Variants in SCARA3 observed in about 807,000 individuals in gnomAD.
The protein encoded by SCARA3 is scavenger receptor class A member 3, also known as cellular stress response gene protein.
A neutral mutation model predicts 47.0 loss-of-function variants in SCARA3; 39 were observed. That is an observed-to-expected ratio of 0.83 (90% confidence interval 0.64 to 1.08). The LOEUF is 1.08. Among genes scored for constraint, SCARA3 ranks in the 50% least tolerant of loss-of-function variants. The probability of loss-of-function intolerance (pLI) is 0.00; values close to 1 mark genes in which losing one functional copy is unlikely to be tolerated. For missense variants in SCARA3, 724 were observed against 792.3 expected, an observed-to-expected ratio of 0.91 and a Z score of 1.04; for synonymous variants, 356 against 334.1, an observed-to-expected ratio of 1.07 and a Z score of -0.71.
chr8:27,719,966 G>C, the SCARA3 span, among the ~76,000 whole-genome samples: 1 of 152,122 alleles, frequency 6.6e-6, no homozygotes, highest in African/African-American at 2.4e-5. Flanking sequence ...AAGGAACACA[G>C]AGAAAAAGCC....
downstream of SCARA3, among the ~76,000 whole-genome samples, chr8:27,674,968 C>T (rs1419380343): frequency 6.6e-6 from 1 of 152,092 alleles, no homozygotes; most frequent in African/African-American, 2.4e-5. Context: ...ACCTCATGAT[C>T]CATCCACCTC....
intron 1 of SCARA3, among the ~76,000 whole-genome samples, chr8:27,635,619 G>C (rs1042159541): frequency 1.8e-5 from 1 of 56,754 alleles, no homozygotes; most frequent in Admixed American, 3.3e-4. Flanking sequence ...CACCATGCAT[G>C]GATTTTTTTT....
chr8:27,719,074 C>T, the SCARA3 span, among the ~76,000 whole-genome samples: 2 of 152,096 alleles, frequency 1.3e-5, no homozygotes, highest in African/African-American at 4.8e-5. Flanking sequence ...ACTTTAAGAA[C>T]GTGGAGGTTT....
downstream of SCARA3, chr8:27,679,756 A>G (rs1177920152): frequency 6.6e-6 from 1 of 152,222 alleles, no homozygotes; most frequent in Non-Finnish European, 1.5e-5. Context: ...AAAGACTTAA[A>G]TTACACAGAC....
chr8:27,668,499 C>CACTGCAG (rs1418810738), intron 5 of SCARA3, among the ~76,000 whole-genome samples: 1 of 145,348 alleles, frequency 6.9e-6, no homozygotes, highest in African/African-American at 2.5e-5. Flanking sequence ...GAGATTGCGC[C>CACTGCAG]ACTGCAGTCC....
At chr8:27,699,794 GAAAAA>G in the SCARA3 span, among the ~76,000 whole-genome samples, 5 of 150,388 alleles carry the variant, frequency 3.3e-5, no homozygotes, top group Admixed American at 2.0e-4. Flanking sequence ...ATTTCAGAAA[GAAAAA>G]AAAAGACTTA....
At chr8:27,699,200 C>T in the SCARA3 span, among the ~76,000 whole-genome samples, 3 of 151,210 alleles carry the variant, frequency 2.0e-5, no homozygotes, top group Non-Finnish European at 4.4e-5. Flanking sequence ...GCCGAGATTG[C>T]GCCACTGCAC....
chr8:27,720,742 G>A, the SCARA3 span, among the ~76,000 whole-genome samples: 103,910 of 150,410 alleles, frequency 0.69, 37,406 homozygotes, highest in East Asian at 0.88. Flanking sequence ...TTATCCACTC[G>A]TCCATCCATT....
chr8:27,719,075 G>C, the SCARA3 span, among the ~76,000 whole-genome samples: 1 of 152,154 alleles, frequency 6.6e-6, no homozygotes, highest in African/African-American at 2.4e-5. Context: ...CTTTAAGAAC[G>C]TGGAGGTTTT....
intron 1 of SCARA3, among the ~76,000 whole-genome samples, chr8:27,636,132 C>G (rs1216506565): frequency 6.6e-6 from 1 of 152,260 alleles, no homozygotes; most frequent in Non-Finnish European, 1.5e-5. Flanking sequence ...CAGCTGAACC[C>G]TCTGCAGTCA....
chr8:27,659,167 C>G lies in SCARA3; in HGVS notation c.997C>G (p.His333Asp). The change falls in exon 5 of 6, where the codon CAC (histidine) becomes GAC (aspartate). Residue 333 changes from histidine to aspartate, a missense_variant. By Grantham distance (81) the His-to-Asp change is moderately conservative. Coordinates refer to ENST00000301904, the MANE Select transcript of SCARA3 (RefSeq NM_016240.3). ...CATGCATGATCTTCAGTACCATACCCACTACGCCCAGAACCGCACTGTGGA... is the reference window on the plus strand; with the variant it reads ...CATGCATGATCTTCAGTACCATACCGACTACGCCCAGAACCGCACTGTGGA... ...ENMHDLQYHT[H>D]YAQNRTVERF... The G allele has an allele frequency of 6.2e-7, 1 of 1,614,156 alleles. No individual in the cohort carries two copies. Among genetic ancestry groups the G allele is most frequent in the Non-Finnish European group, 8.5e-7 (1 of 1,180,020 alleles).
chr8:27,647,762 C>T (rs779956), intron 1 of SCARA3, among the ~76,000 whole-genome samples: 27,952 of 152,058 alleles, frequency 0.18, 3,139 homozygotes, highest in Middle Eastern at 0.33. Flanking sequence ...TTAAGCCATG[C>T]GTGAAGGCCG....
At chr8:27,697,961 TAC>T in the SCARA3 span, among the ~76,000 whole-genome samples, 1 of 152,222 alleles carries the variant, frequency 6.6e-6, no homozygotes, top group Non-Finnish European at 1.5e-5. Flanking sequence ...AACAGACTAA[TAC>T]ACTTTCAATC....
chr8:27,675,485 G>C (rs571708852), downstream of SCARA3, among the ~76,000 whole-genome samples: 2 of 152,292 alleles, frequency 1.3e-5, no homozygotes, highest in South Asian at 4.1e-4. Flanking sequence ...ACACTTCCAA[G>C]TGCAAGACTC....
Position 27,671,855 on chromosome 8 carries a change from G to A in SCARA3, c.*504G>A. ...CACAGATTTTTCTGCTGGCCAGGTG[G>A]GCCAACTGGGTTTCCCTGGCTGGGC... is the stretch of plus-strand genomic sequence containing the variant. On this transcript the variant is annotated 3_prime_UTR_variant, in exon 6 of 6. Transcript: ENST00000301904. The A allele has an allele frequency of 3.0e-6, 3 of 985,530 alleles. No homozygotes were observed. Among genetic ancestry groups the A allele is most frequent in the Non-Finnish European group, 3.6e-6 (3 of 830,008 alleles). The allele number at this position is 985,530 out of a possible 1,614,324, so 61.0% of individuals were successfully genotyped here.
chr8:27,696,880 C>T, the SCARA3 span, among the ~76,000 whole-genome samples: 24 of 152,004 alleles, frequency 1.6e-4, no homozygotes, highest in Non-Finnish European at 2.5e-4. Context: ...TTGCCAGGGG[C>T]AGTGATGGGA....
rs764428412 is a variant in SCARA3, at chr8:27,656,908, G to A, written c.325+28G>A. The A allele has an allele frequency of 2.1e-6, 3 of 1,414,794 alleles. No homozygotes were observed. The Admixed American group carries it at 5.0e-5, about 24-fold the overall frequency. 87.6% of individuals were successfully genotyped at this position (1,414,794 alleles called of 1,614,324 possible). On this transcript the variant is annotated intron_variant, in intron 4 of 5. Transcript: ENST00000301904. ...AAGTAGATGGGCTGATGACTGTGAT[G>A]CAGTGATCTTCAGGGTGGGGCAGGG...
chr8:27,700,560 T>C, the SCARA3 span, among the ~76,000 whole-genome samples: 4 of 149,986 alleles, frequency 2.7e-5, no homozygotes, highest in African/African-American at 9.9e-5. Context: ...TGAGCTGAGA[T>C]CACACCACTG....
At chr8:27,712,562 C>A in the SCARA3 span, among the ~76,000 whole-genome samples, 648 of 107,140 alleles carry the variant, frequency 6.0e-3, no homozygotes, top group South Asian at 9.5e-3. Context: ...GACTCCGTCT[C>A]AAAAAAAAAA....
Sources: gnomAD v4.1 joint callset for allele counts (sites outside exome capture counted in the v4.1 genomes callset) on GRCh38, gnomAD v4.1.1 for gene constraint, MANE v1.5 for transcripts, NCBI Gene and HGNC (gene_info 2026-07-23, HGNC 2026-07-21) for gene names.